DOCK1: variants seen among roughly 807,000 people sequenced by gnomAD.
DOCK1 encodes dedicator of cytokinesis 1.
In DOCK1, 138 loss-of-function variants were observed where a neutral mutation model predicts 262.7. That is an observed-to-expected ratio of 0.53 (90% confidence interval 0.46 to 0.61). DOCK1 has a LOEUF of 0.61. Ranked by LOEUF, DOCK1 falls within the 20% of genes least tolerant of loss-of-function variation. The pLI is 0.00. For synonymous variants in DOCK1, 866 were observed against 867.4 expected (o/e 1.00, Z 0.03); for missense variants, 1,908 against 2,370.7 (o/e 0.80, Z 4.05).
At chr10:127,393,626 C>A (rs2066636398) in intron 38 of DOCK1, among the ~76,000 whole-genome samples, 1 of 152,094 alleles carries the variant, frequency 6.6e-6, no homozygotes, top group Non-Finnish European at 1.5e-5. Context: ...ATTAAAGTTT[C>A]TCTGCCTTTG....
intron 29 of DOCK1, among the ~76,000 whole-genome samples, chr10:127,297,677 T>A (rs1564973269): frequency 6.6e-6 from 1 of 152,332 alleles, no homozygotes; most frequent in East Asian, 1.9e-4. Context: ...ATACATTTCT[T>A]AACTTTCTAG....
chr10:126,952,570 TTGG>T (rs1457212594), intron 1 of DOCK1, among the ~76,000 whole-genome samples: 3 of 151,684 alleles, frequency 2.0e-5, no homozygotes, highest in East Asian at 1.9e-4. Context: ...GGTAGTGTTG[TTGG>T]TGATGTAGTA....
intron 23 of DOCK1, among the ~76,000 whole-genome samples, chr10:127,085,809 G>C (rs2136051194): frequency 6.6e-6 from 1 of 152,204 alleles, no homozygotes; most frequent in Admixed American, 6.5e-5. Context: ...GGAGGGAACT[G>C]AGTTCTTCAT....
intron 29 of DOCK1, among the ~76,000 whole-genome samples, chr10:127,286,178 C>A (rs1404644032): frequency 6.6e-6 from 1 of 151,758 alleles, no homozygotes; most frequent in Admixed American, 6.6e-5. Context: ...CATCTGTGGT[C>A]ATTTTTTTTC....
chr10:127,371,571 C>G (rs75624564), intron 33 of DOCK1, among the ~76,000 whole-genome samples: 6,247 of 152,260 alleles, frequency 0.041, 181 homozygotes, highest in Middle Eastern at 0.075. Flanking sequence ...GTATGTTTGC[C>G]CATGTCAGGA....
At chr10:126,996,076 G>A (rs559502949) in intron 6 of DOCK1, among the ~76,000 whole-genome samples, 22 of 152,254 alleles carry the variant, frequency 1.4e-4, no homozygotes, top group Non-Finnish European at 3.1e-4. Flanking sequence ...GTGTGTGTGT[G>A]TGTACATATG....
chr10:127,152,298 G>T (rs1277009721), intron 27 of DOCK1, among the ~76,000 whole-genome samples: 2 of 152,214 alleles, frequency 1.3e-5, no homozygotes, highest in Admixed American at 6.5e-5. Flanking sequence ...GATGAGTGGA[G>T]TGAAAAGTTT....
chr10:126,999,277 T>C, intron 8 of DOCK1, 77 bp from the exon 9 acceptor site: 1 of 1,140,264 alleles, frequency 8.8e-7, no homozygotes, highest in Non-Finnish European at 1.3e-6. Flanking sequence ...TGGTATTAAT[T>C]ATGAAGCAAT....
At chr10:127,332,879 T>A (rs1038185620) in intron 29 of DOCK1, among the ~76,000 whole-genome samples, 4 of 152,202 alleles carry the variant, frequency 2.6e-5, no homozygotes, top group African/African-American at 9.7e-5. Context: ...TCATTATCTC[T>A]CCTTCCCATG....
chr10:127,017,950 T>G (rs1259962229), intron 12 of DOCK1, among the ~76,000 whole-genome samples: 1 of 152,194 alleles, frequency 6.6e-6, no homozygotes, highest in Non-Finnish European at 1.5e-5. Flanking sequence ...TTGTCAGCCT[T>G]GCAGGGAGGA....
intron 38 of DOCK1, among the ~76,000 whole-genome samples, chr10:127,395,638 A>G (rs947647615): frequency 1.3e-5 from 2 of 152,228 alleles, no homozygotes; most frequent in African/African-American, 4.8e-5. Context: ...TTCAGGGGGT[A>G]ATTCTGGCAA....
chr10:127,168,449 A>G (rs2054274477), intron 27 of DOCK1, among the ~76,000 whole-genome samples: 1 of 152,222 alleles, frequency 6.6e-6, no homozygotes, highest in African/African-American at 2.4e-5. Context: ...TGCTGCTCAC[A>G]ATGCCCTGCT....
chr10:126,957,355 C>G (rs945283263), intron 1 of DOCK1, among the ~76,000 whole-genome samples: 26 of 152,168 alleles, frequency 1.7e-4, no homozygotes, highest in African/African-American at 2.4e-4. Context: ...CCTGAAGATG[C>G]CTTTGGCATG....
At chr10:126,952,564 GTGT>G (rs1399694213) in intron 1 of DOCK1, among the ~76,000 whole-genome samples, 26 of 136,136 alleles carry the variant, frequency 1.9e-4, no homozygotes, top group South Asian at 2.5e-4. Context: ...ATTGGTGGTA[GTGT>G]TGTTGGTGAT....
At chr10:127,045,384 C>T (rs1380815516) in intron 21 of DOCK1, among the ~76,000 whole-genome samples, 2 of 152,160 alleles carry the variant, frequency 1.3e-5, no homozygotes, top group Admixed American at 6.5e-5. Context: ...GAGTCAGTGG[C>T]GACTGAGATA....
chr10:127,338,804 A>G (rs1240371155), intron 29 of DOCK1, among the ~76,000 whole-genome samples: 1 of 151,942 alleles, frequency 6.6e-6, no homozygotes, highest in African/African-American at 2.4e-5. Flanking sequence ...TTCATCCTGC[A>G]TGTGCTAATT....
At position 127,163,443 on chromosome 10, in the gene DOCK1, C is replaced by T. The variant is rs540095920; in HGVS notation, c.2847+35679C>T. ...GTGGGCAGAGGTTTTTGTCTGTTCC[C>T]GGGCGGGCAAACTTTCAGTGCCCAC... is the stretch of plus-strand genomic sequence containing the variant. On this transcript the variant is annotated intron_variant, in intron 27 of 51. Coordinates refer to ENST00000623213, the MANE Select transcript of DOCK1 (RefSeq NM_001290223.2). Among the ~76,000 whole-genome samples the T allele has an allele frequency of 5.9e-5, 9 of 152,202 alleles. No individual in the cohort carries two copies. The South Asian group carries it at 6.2e-4, about 11-fold the overall frequency.
intron 27 of DOCK1, among the ~76,000 whole-genome samples, chr10:127,172,051 A>G (rs1320855879): frequency 2.0e-5 from 3 of 152,222 alleles, no homozygotes; most frequent in African/African-American, 7.2e-5. Flanking sequence ...GTCGTATCAT[A>G]TAATAACTAT....
intron 22 of DOCK1, among the ~76,000 whole-genome samples, chr10:127,054,394 G>A (rs1168969528): frequency 2.6e-5 from 4 of 152,152 alleles, no homozygotes; most frequent in Non-Finnish European, 5.9e-5. Context: ...TACAAATATG[G>A]CATGTTTGAG....
Sources: gnomAD v4.1 joint callset for allele counts (sites outside exome capture counted in the v4.1 genomes callset) on GRCh38, gnomAD v4.1.1 for gene constraint, MANE v1.5 for transcripts, NCBI Gene and HGNC (gene_info 2026-07-23, HGNC 2026-07-21) for gene names.